The following LTF variants were observed in gnomAD, a reference collection of about 807,000 sequenced individuals.
The protein encoded by LTF is lactotransferrin, also known as epididymis luminal protein 110.
In LTF, 91 loss-of-function variants were observed where a neutral mutation model predicts 87.2. The observed-to-expected ratio is 1.04, with a 90% CI of 0.88 to 1.24. LTF has a LOEUF of 1.24. Ranked by LOEUF, LTF falls within the 50% of genes most tolerant of loss-of-function variation. LTF has a pLI of 0.00. For synonymous variants in LTF, 378 were observed against 356.1 expected, an observed-to-expected ratio of 1.06 and a Z score of -0.69; for missense variants, 901 against 904.3, an observed-to-expected ratio of 1.00 and a Z score of 0.05.
upstream of LTF, among the ~76,000 whole-genome samples, chr3:46,468,472 C>T (rs1475328888): frequency 6.6e-6 from 1 of 152,334 alleles, no homozygotes; most frequent in East Asian, 1.9e-4. Flanking sequence ...TTCCCCCTAA[C>T]CCTGCTCTGC....
At chr3:46,441,620 T>C in intron 13 of LTF, 137 bp from the exon 14 acceptor site, 1 of 666,240 alleles carries the variant, frequency 1.5e-6, no homozygotes, top group Non-Finnish European at 2.6e-6. Context: ...AGGAATTTAC[T>C]GTTTACAGCG....
intron 1 of LTF, among the ~76,000 whole-genome samples, chr3:46,478,375 G>A (rs1575329272): frequency 6.6e-6 from 1 of 152,304 alleles, no homozygotes; most frequent in East Asian, 1.9e-4. Context: ...CAGAACCCAT[G>A]TGGCCACTCA....
In LTF at chr3:46,455,364, G is replaced by A. The variant is rs60938611; in HGVS notation, c.578C>T (p.Ala193Val). ...GQFPNLCRLCAGTGENKCAFS... is the reference protein window; with the variant it reads ...GQFPNLCRLCVGTGENKCAFS... Reference sequence around the variant, plus strand: ...GGCACATTTGTTTTCCCCTGTCCCCGCACACAGGCGACACAGGTTGGGGAA... The same window carrying A: ...GGCACATTTGTTTTCCCCTGTCCCCACACACAGGCGACACAGGTTGGGGAA... Residue 193 changes from alanine (A) to valine (V), a missense_variant, in exon 5 of 17, where the codon GCG becomes GTG. Ala to Val is a moderately conservative substitution (Grantham distance 64). Coordinates refer to ENST00000231751, the MANE Select transcript of LTF (RefSeq NM_002343.6). 9.5e-3 allele frequency: 15,374 copies of A among 1,614,134 alleles called. 1,288 individuals are homozygous for A. In the African/African-American group the frequency reaches 0.18, roughly 19 times the overall value.
At chr3:46,460,585 A>T (rs1273918026) in intron 1 of LTF, 2 of 455,818 alleles carry the variant, frequency 4.4e-6, no homozygotes, top group Non-Finnish European at 8.8e-6. Flanking sequence ...GATAAAAGGC[A>T]TCCACAAAAA....
intron 1 of LTF, among the ~76,000 whole-genome samples, chr3:46,463,931 C>T (rs1226990901): frequency 6.6e-6 from 1 of 152,208 alleles, no homozygotes; most frequent in Non-Finnish European, 1.5e-5. Context: ...ACCGCCACCT[C>T]TTCCATCCAG....
intron 1 of LTF, among the ~76,000 whole-genome samples, chr3:46,463,191 C>T (rs1703127761): frequency 6.6e-6 from 1 of 152,232 alleles, no homozygotes; most frequent in Non-Finnish European, 1.5e-5. Flanking sequence ...TCAGATGCTG[C>T]CCACTGGACC....
intron 12 of LTF, among the ~76,000 whole-genome samples, chr3:46,444,357 TCTA>T (rs1417462342): frequency 6.6e-6 from 1 of 152,250 alleles, no homozygotes; most frequent in Non-Finnish European, 1.5e-5. Flanking sequence ...TGTTTAAGCC[TCTA>T]CTATTTCAGG....
intron 1 of LTF, among the ~76,000 whole-genome samples, chr3:46,480,232 T>C (rs982101981): frequency 2.6e-5 from 4 of 152,196 alleles, no homozygotes; most frequent in Non-Finnish European, 2.9e-5. Flanking sequence ...CATGGGCTCA[T>C]TTTCCTCCAA....
At chr3:46,439,181 C>A in intron 15 of LTF, 115 bp downstream of exon 15, 2 of 986,838 alleles carry the variant, frequency 2.0e-6, no homozygotes, top group Non-Finnish European at 1.5e-6. Context: ...TCACCATGAG[C>A]TTCAAGTAGA....
chr3:46,444,721 T>A lies in LTF; in HGVS notation c.1513+560A>T, dbSNP rs1702602464. Among the ~76,000 whole-genome samples, 3 of 152,314 alleles carry A rather than the reference T, an allele frequency of 2.0e-5. No individual in the cohort carries two copies. In the South Asian group the frequency reaches 6.2e-4, roughly 32 times the overall value. ...GAAGGGAGTCACATTGAGGATGTGCTACACACCATGCCACGGGGCCCACAG... is the reference window on the plus strand; with the variant it reads ...GAAGGGAGTCACATTGAGGATGTGCAACACACCATGCCACGGGGCCCACAG... On this transcript the variant is annotated intron_variant, in intron 12 of 16. Transcript: ENST00000231751.
At chr3:46,464,473 G>A (rs1458899889) in intron 1 of LTF, among the ~76,000 whole-genome samples, 1 of 152,178 alleles carries the variant, frequency 6.6e-6, no homozygotes, top group African/African-American at 2.4e-5. Flanking sequence ...TGAGCTAGTC[G>A]CTCACCCTCT....
intron 1 of LTF, among the ~76,000 whole-genome samples, chr3:46,484,519 G>T (rs1703491534): frequency 2.0e-5 from 3 of 152,098 alleles, no homozygotes; most frequent in Non-Finnish European, 4.4e-5. Flanking sequence ...CCCTACCCTT[G>T]CTCCCCTAAA....
At chr3:46,445,146 A>C in intron 12 of LTF, 135 bp downstream of exon 12, 1 of 917,464 alleles carries the variant, frequency 1.1e-6, no homozygotes, top group Non-Finnish European at 1.6e-6. Context: ...CACAGGGAGA[A>C]TTTCCTTATG....
chr3:46,441,320 G>C, intron 14 of LTF, 96 bp downstream of exon 14: 1 of 909,912 alleles, frequency 1.1e-6, no homozygotes, highest in Non-Finnish European at 1.7e-6. Flanking sequence ...TATGGAAAAT[G>C]TTATAAAACC....
rs1290259171 is a variant in LTF, at chr3:46,464,227, TTCTGTTTGGCTGACATTTCC to T, written c.43+578_43+597del. 2.0e-5 allele frequency among the ~76,000 whole-genome samples: 3 copies of T among 152,294 alleles called. No individual in the cohort carries two copies. The East Asian group carries it at 5.8e-4, about 29-fold the overall frequency. On this transcript the variant is annotated intron_variant, in intron 1 of 16. Coordinates refer to ENST00000231751, the MANE Select transcript of LTF (RefSeq NM_002343.6). ...TTGTTTCCTTCCTTCTACTCCTTCC[TTCTGTTTGGCTGACATTTCC>T]CTCTCAAACCCTCTGACACAGGGTT...
At chr3:46,441,529 A>T (rs1702514196) in intron 13 of LTF, 46 bp from the exon 14 acceptor site, 2 of 1,368,284 alleles carry the variant, frequency 1.5e-6, no homozygotes, top group Non-Finnish European at 2.1e-6. Context: ...AAGAGAAACT[A>T]GTGGGGCTTT....
upstream of LTF, chr3:46,468,273 A>T (rs1165847312): frequency 4.4e-6 from 2 of 456,788 alleles, no homozygotes; most frequent in East Asian, 1.4e-4. Context: ...ACACTGGTCT[A>T]TGGGACATCT....
intron 1 of LTF, among the ~76,000 whole-genome samples, chr3:46,473,377 G>T (rs766209377): frequency 6.6e-6 from 1 of 152,134 alleles, no homozygotes; most frequent in Non-Finnish European, 1.5e-5. Flanking sequence ...TTCCACCAGC[G>T]CCTCAAAACA....
intron 9 of LTF, among the ~76,000 whole-genome samples, chr3:46,448,043 A>G (rs1272291352): frequency 6.6e-6 from 1 of 152,204 alleles, no homozygotes; most frequent in Non-Finnish European, 1.5e-5. Flanking sequence ...CCATATTCAC[A>G]TAAAAGATAT....
Sources: gnomAD v4.1 joint callset for allele counts (sites outside exome capture counted in the v4.1 genomes callset) on GRCh38, gnomAD v4.1.1 for gene constraint, MANE v1.5 for transcripts, NCBI Gene and HGNC (gene_info 2026-07-23, HGNC 2026-07-21) for gene names.